Variants in LYZL4 observed in about 807,000 individuals in gnomAD.
The protein encoded by LYZL4 is lysozyme like 4, also known as lysozyme-like protein 4.
LYZL4 carries 13 observed loss-of-function variants against 17.6 expected under a neutral mutation model. That is an observed-to-expected ratio of 0.74 (90% confidence interval 0.48 to 1.18). The LOEUF (loss-of-function observed/expected upper bound fraction) is 1.18. LYZL4 is among the 50% of genes most tolerant of loss of function. The pLI, the probability that LYZL4 is intolerant of heterozygous loss-of-function variation, is 0.00. For synonymous variants in LYZL4, 64 were observed against 67.7 expected (o/e 0.95, Z 0.27); for missense variants, 174 against 188.2 (o/e 0.92, Z 0.44).
chr3:42,392,353 AAGC>A (rs1243880092), downstream of LYZL4, among the ~76,000 whole-genome samples: 2 of 152,152 alleles, frequency 1.3e-5, no homozygotes, highest in East Asian at 3.9e-4. Flanking sequence ...GTGAACTAGG[AAGC>A]AGCAGCAGCA....
At chr3:42,372,166 C>T in the LYZL4 span, among the ~76,000 whole-genome samples, 1 of 152,144 alleles carries the variant, frequency 6.6e-6, no homozygotes, top group Non-Finnish European at 1.5e-5. Flanking sequence ...AGGGGAGAGA[C>T]CCAGAGTGAA....
At chr3:42,384,413 T>C in the LYZL4 span, among the ~76,000 whole-genome samples, 1 of 151,994 alleles carries the variant, frequency 6.6e-6, no homozygotes, top group African/African-American at 2.4e-5. Context: ...TTGATGGTGA[T>C]AAAGGAAGAT....
intron 1 of LYZL4, among the ~76,000 whole-genome samples, chr3:42,408,178 C>T (rs1698795979): frequency 6.6e-6 from 1 of 152,190 alleles, no homozygotes; most frequent in Non-Finnish European, 1.5e-5. Context: ...GGAATGTCCC[C>T]AAAGCAGGTA....
intron 4 of LYZL4, among the ~76,000 whole-genome samples, chr3:42,400,107 T>C (rs17074390): frequency 0.026 from 3,922 of 152,306 alleles, 159 homozygotes; most frequent in African/African-American, 0.087. Context: ...GATCAGATTC[T>C]GGACAAAGTC....
At chr3:42,402,844 C>T (rs1698681093) in intron 4 of LYZL4, among the ~76,000 whole-genome samples, 1 of 152,206 alleles carries the variant, frequency 6.6e-6, no homozygotes, top group Admixed American at 6.5e-5. Context: ...AATGAAGAAA[C>T]TACCAAATGC....
chr3:42,410,369 G>A (rs1243860499), intron 1 of LYZL4, 48 bp downstream of exon 1: 1 of 152,176 alleles, frequency 6.6e-6, no homozygotes, highest in African/African-American at 2.4e-5. Context: ...TCCTGCAGCT[G>A]GGTATTGTCA....
chr3:42,367,942 C>T, the LYZL4 span, among the ~76,000 whole-genome samples: 1 of 152,196 alleles, frequency 6.6e-6, no homozygotes, highest in Non-Finnish European at 1.5e-5. Flanking sequence ...GCTGATATTT[C>T]TTGCTGAGAG....
chr3:42,379,504 A>G, the LYZL4 span, among the ~76,000 whole-genome samples: 2 of 152,228 alleles, frequency 1.3e-5, no homozygotes, highest in Admixed American at 6.5e-5. Flanking sequence ...GTGGCCAGCC[A>G]TATTCTCAAA....
the LYZL4 span, among the ~76,000 whole-genome samples, chr3:42,360,992 G>A: frequency 6.6e-6 from 1 of 151,986 alleles, no homozygotes; most frequent in Non-Finnish European, 1.5e-5. Flanking sequence ...TGTAAAATTT[G>A]AATGCAAAGT....
rs1559457056 is a variant in LYZL4, at chr3:42,407,278, G to GCAAC, written c.-31_-28dup. 1 of 1,613,574 alleles carries GCAAC rather than the reference G, an allele frequency of 6.2e-7. No individual in the cohort carries two copies. Among genetic ancestry groups the GCAAC allele is most frequent in the Non-Finnish European group, 8.5e-7 (1 of 1,179,870 alleles). ...TTCTCCAGGCTCCTGGCAGGTCAGG[G>GCAAC]CAACGGTGGCCAGATGAGTGGGTGG... On this transcript the variant is annotated 5_prime_UTR_variant, in exon 2 of 5. Coordinates refer to ENST00000287748, the MANE Select transcript of LYZL4 (RefSeq NM_144634.4).
At chr3:42,378,919 C>A in the LYZL4 span, among the ~76,000 whole-genome samples, 1 of 152,054 alleles carries the variant, frequency 6.6e-6, no homozygotes, top group African/African-American at 2.4e-5. Flanking sequence ...TCACAGGTGG[C>A]CCAAAAATCG....
chr3:42,406,748 T>G, intron 3 of LYZL4, 98 bp downstream of exon 3: 1 of 1,484,270 alleles, frequency 6.7e-7, no homozygotes, highest in Non-Finnish European at 9.2e-7. Context: ...ACCCTCTTCT[T>G]TGTAAAACTT....
the LYZL4 span, among the ~76,000 whole-genome samples, chr3:42,370,111 T>C: frequency 6.6e-6 from 1 of 152,144 alleles, no homozygotes; most frequent in Admixed American, 6.5e-5. Flanking sequence ...TCATCAGATG[T>C]AAGGAAAACC....
Position 42,397,285 on chromosome 3 carries a change from G to T in LYZL4, c.421C>A (p.Leu141Met). The T allele has an allele frequency of 6.4e-7, 1 of 1,569,182 alleles. No homozygotes were observed. Among genetic ancestry groups the T allele is most frequent in the East Asian group, 2.4e-5 (1 of 42,020 alleles). Reference sequence around the variant, plus strand: ...GGTGGCTACAGCTTGCAACCATCCAGCCACCGTGCCAGGGTATCGGAGTAC... The same window carrying T: ...GGTGGCTACAGCTTGCAACCATCCATCCACCGTGCCAGGGTATCGGAGTAC... ...CQYSDTLARW[L>M]DGCKL is the part of the protein sequence containing the mutation. Residue 141 changes from leucine (L) to methionine (M), a missense_variant, in exon 5 of 5, where the codon CTG becomes ATG. Leu to Met is a conservative substitution (Grantham distance 15). Coordinates refer to ENST00000287748, the MANE Select transcript of LYZL4 (RefSeq NM_144634.4).
At chr3:42,388,071 C>G in the LYZL4 span, among the ~76,000 whole-genome samples, 1 of 152,176 alleles carries the variant, frequency 6.6e-6, no homozygotes, top group Non-Finnish European at 1.5e-5. Context: ...CCTTTTCCCC[C>G]CTGTTCATTC....
At chr3:42,404,568 A>G (rs1420016556) in intron 3 of LYZL4, among the ~76,000 whole-genome samples, 1 of 152,204 alleles carries the variant, frequency 6.6e-6, no homozygotes, top group Non-Finnish European at 1.5e-5. Flanking sequence ...TATATAGTCC[A>G]CCATATTTTC....
intron 3 of LYZL4, 59 bp from the exon 4 acceptor site, chr3:42,404,183 A>G: frequency 8.9e-7 from 1 of 1,129,924 alleles, no homozygotes; most frequent in Middle Eastern, 2.0e-4. Flanking sequence ...AGTTAGAGTG[A>G]TGTCAGGGAA....
At chr3:42,394,700 G>C (rs1046710833), downstream of LYZL4, among the ~76,000 whole-genome samples, 2 of 152,134 alleles carry the variant, frequency 1.3e-5, no homozygotes, top group Non-Finnish European at 2.9e-5. Flanking sequence ...ATTATCAGTG[G>C]GCTTGGGCAA....
the LYZL4 span, among the ~76,000 whole-genome samples, chr3:42,381,804 A>G: frequency 6.6e-6 from 1 of 152,212 alleles, no homozygotes; most frequent in Non-Finnish European, 1.5e-5. Flanking sequence ...ACTGTTATTT[A>G]CATTTACCCT....
Sources: gnomAD v4.1 joint callset for allele counts (sites outside exome capture counted in the v4.1 genomes callset) on GRCh38, gnomAD v4.1.1 for gene constraint, MANE v1.5 for transcripts, NCBI Gene and HGNC (gene_info 2026-07-23, HGNC 2026-07-21) for gene names.